The following NAV1 variants were observed in gnomAD, a reference collection of about 807,000 sequenced individuals.
NAV1 encodes the protein neuron navigator 1.
Under a neutral mutation model 175.2 loss-of-function variants are expected in NAV1, and 18 were observed. The observed-to-expected ratio is 0.10, with a 90% CI of 0.07 to 0.15. NAV1 has a LOEUF of 0.15. Ranked by LOEUF, NAV1 falls within the 10% of genes least tolerant of loss-of-function variation. The pLI, the probability that NAV1 is intolerant of heterozygous loss-of-function variation, is 1.00. For missense variants in NAV1, 1,731 were observed against 2,436.6 expected (o/e 0.71, Z 6.10); for synonymous variants, 897 against 978.7 (o/e 0.92, Z 1.56).
intron 1 of NAV1, among the ~76,000 whole-genome samples, chr1:201,663,286 A>G (rs1669684389): frequency 6.6e-6 from 1 of 152,252 alleles, no homozygotes; most frequent in African/African-American, 2.4e-5. Flanking sequence ...AGAAGAAATA[A>G]TATGGAAAAA....
chr1:201,713,371 G>C (rs996655471), intron 2 of NAV1, among the ~76,000 whole-genome samples: 3 of 152,132 alleles, frequency 2.0e-5, no homozygotes, highest in Admixed American at 6.5e-5. Context: ...TGTCAGTTAG[G>C]TGCCCCCTGG....
At chr1:201,560,406 C>A (rs1666164470) in intron 1 of NAV1, among the ~76,000 whole-genome samples, 1 of 152,200 alleles carries the variant, frequency 6.6e-6, no homozygotes, top group Non-Finnish European at 1.5e-5. Flanking sequence ...CCACCATCAG[C>A]ATATCCCTCC....
chr1:201,801,633 G>C (rs902869083), intron 15 of NAV1, among the ~76,000 whole-genome samples: 2 of 152,066 alleles, frequency 1.3e-5, no homozygotes, highest in African/African-American at 4.8e-5. Flanking sequence ...AAAAATCTTT[G>C]ACATTGCACC....
chr1:201,705,785 A>G (rs1487030337), intron 1 of NAV1, among the ~76,000 whole-genome samples: 3 of 152,000 alleles, frequency 2.0e-5, no homozygotes, highest in Admixed American at 1.3e-4. Flanking sequence ...GAGAGAGGGG[A>G]TGGAGTCACT....
Position 201,811,765 on chromosome 1 carries a change from A to C in NAV1, c.4952+8A>C, listed in dbSNP as rs768034257. 3.1e-6 allele frequency: 5 copies of C among 1,603,160 alleles called. No individual in the cohort carries two copies. In the East Asian group the frequency reaches 1.1e-4, roughly 36 times the overall value. On this transcript the variant is annotated splice_region_variant and intron_variant, in intron 25 of 29. Transcript: ENST00000367296. ...CTGCAAGTATCATAAATGGTAAGTA[A>C]GCTGGGATCAAGACAAAATTCATCG... is the stretch of plus-strand genomic sequence containing the variant.
intron 2 of NAV1, among the ~76,000 whole-genome samples, chr1:201,590,379 G>A (rs550286475): frequency 6.6e-6 from 1 of 152,242 alleles, no homozygotes; most frequent in East Asian, 1.9e-4. Flanking sequence ...CCCCAGCTAG[G>A]TAGTTCCTGC....
intron 2 of NAV1, among the ~76,000 whole-genome samples, chr1:201,713,767 G>A (rs1243040440): frequency 2.6e-5 from 4 of 152,166 alleles, no homozygotes; most frequent in Non-Finnish European, 5.9e-5. Flanking sequence ...CAGTTAGACT[G>A]GAAGTAGATT....
chr1:201,784,569 ATTT>A (rs35341000), intron 7 of NAV1, among the ~76,000 whole-genome samples: 2 of 136,828 alleles, frequency 1.5e-5, no homozygotes. Context: ...AATACGATCT[ATTT>A]TTTTTTTTTT....
At chr1:201,772,756 G>A (rs767064587) in intron 3 of NAV1, among the ~76,000 whole-genome samples, 32 of 152,070 alleles carry the variant, frequency 2.1e-4, no homozygotes, top group Non-Finnish European at 4.0e-4. Flanking sequence ...AGCTTGGGCC[G>A]GGCACAGTGG....
chr1:201,768,544 A>T (rs555873772), intron 3 of NAV1, among the ~76,000 whole-genome samples: 1 of 151,636 alleles, frequency 6.6e-6, no homozygotes, highest in African/African-American at 2.4e-5. Flanking sequence ...GAGCTGAAGC[A>T]GGAGGATCAC....
chr1:201,735,403 G>T (rs529732206), intron 3 of NAV1, among the ~76,000 whole-genome samples: 2 of 152,336 alleles, frequency 1.3e-5, no homozygotes, highest in African/African-American at 4.8e-5. Context: ...ACATGAACTG[G>T]GTCTGATCCA....
chr1:201,623,178 C>T, exon 1 of NAV1: 2 of 985,986 alleles, frequency 2.0e-6, no homozygotes, highest in African/African-American at 1.7e-5. Flanking sequence ...CCTTCAGCTC[C>T]CCATGGAATA....
intron 2 of NAV1, among the ~76,000 whole-genome samples, chr1:201,715,730 G>A (rs1672114601): frequency 6.6e-6 from 1 of 152,196 alleles, no homozygotes. Flanking sequence ...TGTGCTTCCT[G>A]CAAGGCTGTT....
chr1:201,723,562 C>T (rs1168367722), intron 3 of NAV1: 1 of 152,182 alleles, frequency 6.6e-6, no homozygotes, highest in African/African-American at 2.4e-5. Flanking sequence ...AGTTTTATAG[C>T]TGATGGGGTT....
rs1210962896 is a variant in NAV1 at position 201,787,878 on chromosome 1, G to T, written c.2996-590G>T. On this transcript the variant is annotated intron_variant, in intron 9 of 29. Transcript: ENST00000367296. This position sits in a 1 kb window ranked among gnomAD's most constrained non-coding sequence, Gnocchi z 4.3. ...TCTGTCCATCTGACCTTCAAGCCGG[G>T]GCAATGCTAGGCAAAGAGGGCCATG... 2 of 349,078 alleles carry T rather than the reference G, an allele frequency of 5.7e-6. No individual in the cohort carries two copies. Among genetic ancestry groups the T allele is most frequent in the African/African-American group, 4.3e-5 (2 of 46,754 alleles). 21.6% of individuals were successfully genotyped at this position (349,078 alleles called of 1,614,324 possible).
At chr1:201,671,324 G>C (rs1467315376) in intron 1 of NAV1, among the ~76,000 whole-genome samples, 1 of 152,114 alleles carries the variant, frequency 6.6e-6, no homozygotes, top group Non-Finnish European at 1.5e-5. Flanking sequence ...GAACTGAGGA[G>C]CTCCAGATAT....
chr1:201,549,739 A>T (rs962127700), intron 1 of NAV1, among the ~76,000 whole-genome samples: 7 of 149,222 alleles, frequency 4.7e-5, no homozygotes, highest in Admixed American at 1.3e-4. Context: ...GGCCTGGCTC[A>T]GTGGCTCACA....
At chr1:201,672,267 G>A (rs930238632) in intron 1 of NAV1, among the ~76,000 whole-genome samples, 1 of 152,188 alleles carries the variant, frequency 6.6e-6, no homozygotes, top group South Asian at 2.1e-4. Context: ...TTTTGTATGT[G>A]TGATTTCTTG....
Position 201,539,243 on chromosome 1 carries a change from T to A in NAV1, c.-243T>A, listed in dbSNP as rs574191808. Among the ~76,000 whole-genome samples, 249 of 152,192 alleles carry A rather than the reference T, an allele frequency of 1.6e-3. No homozygotes were observed. Among genetic ancestry groups the A allele is most frequent in the African/African-American group, 5.6e-3 (233 of 41,534 alleles). On this transcript the variant is annotated 5_prime_UTR_variant, in exon 1 of 34. Coordinates refer to the NAV1 transcript ENST00000685211. The surrounding 1 kb of genome is among the most constrained non-coding windows in gnomAD (Gnocchi z 5.6). Reference sequence around the variant, plus strand: ...GCCTGGGGAGCCCCGGGAAACTTTGTGCTCGCGAGAAGCGGACCCCGCACC... The same window carrying A: ...GCCTGGGGAGCCCCGGGAAACTTTGAGCTCGCGAGAAGCGGACCCCGCACC...
Sources: gnomAD v4.1 joint callset for allele counts (sites outside exome capture counted in the v4.1 genomes callset) on GRCh38, gnomAD v4.1.1 for gene constraint, Gnocchi (gnomAD v3.1) non-coding constraint, MANE v1.5 for transcripts, NCBI Gene and HGNC (gene_info 2026-07-23, HGNC 2026-07-21) for gene names.